The following ZBTB16 variants were observed in gnomAD, a reference collection of about 807,000 sequenced individuals.
ZBTB16 encodes the protein zinc finger and BTB domain containing 16.
Under a neutral mutation model 56.8 loss-of-function variants are expected in ZBTB16, and 8 were observed. That is an observed-to-expected ratio of 0.14 (90% CI 0.08 to 0.25). The LOEUF (loss-of-function observed/expected upper bound fraction) is 0.25. Among genes scored for constraint, ZBTB16 ranks in the 10% least tolerant of loss-of-function variants. ZBTB16 has a pLI of 1.00. For missense variants in ZBTB16, 625 were observed against 903.0 expected, an observed-to-expected ratio of 0.69 and a Z score of 3.95; for synonymous variants, 363 against 368.5, an observed-to-expected ratio of 0.98 and a Z score of 0.17.
Position 114,060,753 on chromosome 11 carries a change from C to T in ZBTB16, c.-91+871C>T, listed in dbSNP as rs964864964. 3.3e-5 allele frequency among the ~76,000 whole-genome samples: 5 copies of T among 152,128 alleles called. No individual in the cohort carries two copies. The highest frequency in any genetic ancestry group is 5.9e-5 in the Non-Finnish European group (4 of 68,000). On this transcript the variant is annotated intron_variant, in intron 1 of 6. Transcript: ENST00000335953. This position sits in a 1 kb window ranked among gnomAD's most constrained non-coding sequence, Gnocchi z 6.0. ...GCACGGAGCGCTCCGCACCGACTCG[C>T]TCGCCGCCTCCCCGAGACGCTCGCA...
Position 114,063,825 on chromosome 11 carries a change from C to T in ZBTB16, c.525C>T (p.Ser175=). ...ESGYASVAGQ[S]LPGPMVDQSP... Reference sequence around the variant, plus strand: ...GGTATGCCAGTGTGGCTGGACAGAGCCTCCCTGGGCCCATGGTGGACCAGA... The same window carrying T: ...GGTATGCCAGTGTGGCTGGACAGAGTCTCCCTGGGCCCATGGTGGACCAGA... The change falls in exon 2 of 7, where the codon AGC becomes AGT. Residue 175 remains serine (S), a synonymous_variant. Transcript: ENST00000335953. The surrounding 1 kb of genome is among the most constrained non-coding windows in gnomAD (Gnocchi z 6.5). The T allele has an allele frequency of 1.2e-6, 2 of 1,614,160 alleles. No homozygotes were observed. Among genetic ancestry groups the T allele is most frequent in the Non-Finnish European group, 1.7e-6 (2 of 1,180,042 alleles).
chr11:114,216,548 C>A (rs551361198), intron 4 of ZBTB16, among the ~76,000 whole-genome samples: 40 of 152,310 alleles, frequency 2.6e-4, no homozygotes, highest in Admixed American at 2.5e-3. Flanking sequence ...AATGTACACC[C>A]AGCTGCTTTG....
chr11:114,238,588 C>T (rs76126079), intron 4 of ZBTB16, among the ~76,000 whole-genome samples: 2,349 of 152,200 alleles, frequency 0.015, 62 homozygotes, highest in African/African-American at 0.052. Flanking sequence ...TTCCTAATAC[C>T]ATCACCTTAG....
Position 114,063,402 on chromosome 11 carries a change from C to T in ZBTB16, c.102C>T (p.Cys34=), listed in dbSNP as rs774594579. 104 of 1,614,032 alleles carry T rather than the reference C, an allele frequency of 6.4e-5. No homozygotes were observed. Among genetic ancestry groups the T allele is most frequent in the Non-Finnish European group, 7.8e-5 (92 of 1,180,052 alleles). ...ANQMRLAGTL[C]DVVIMVDSQE... ...AGATGCGGCTGGCCGGGACTTTGTG[C>T]GATGTGGTCATCATGGTGGACAGCC... The change falls in exon 2 of 7, where the codon TGC becomes TGT. Residue 34 remains cysteine, a synonymous_variant. Transcript: ENST00000335953. This position sits in a 1 kb window ranked among gnomAD's most constrained non-coding sequence, Gnocchi z 6.5.
chr11:114,069,409 C>G lies in ZBTB16; in HGVS notation c.1268+4841C>G, dbSNP rs557578384. On this transcript the variant is annotated intron_variant, in intron 2 of 6. Coordinates refer to ENST00000335953, the MANE Select transcript of ZBTB16 (RefSeq NM_006006.6). Reference sequence around the variant, plus strand: ...CTATTGCCTGGTTCTTGAAGGGATTCTCAGGAACCACAGGGAATGTCTGAG... The same window carrying G: ...CTATTGCCTGGTTCTTGAAGGGATTGTCAGGAACCACAGGGAATGTCTGAG... 2.6e-5 allele frequency among the ~76,000 whole-genome samples: 4 copies of G among 152,304 alleles called. No homozygotes were observed. In the South Asian group the frequency reaches 8.3e-4, roughly 32 times the overall value.
In ZBTB16 at chr11:114,256,168, A is replaced by G. The variant is rs1945010766; in HGVS notation, c.*5613A>G. On this transcript the variant is annotated 3_prime_UTR_variant, in exon 7 of 7. Transcript: ENST00000335953. ...GTGTCACTTTTATGCCACATTTACA[A>G]GGCACAGATGCACTGAATAACATTT... 6.6e-6 allele frequency among the ~76,000 whole-genome samples: 1 copy of G among 152,158 alleles called. No homozygotes were observed. Among genetic ancestry groups the G allele is most frequent in the Non-Finnish European group, 1.5e-5 (1 of 68,024 alleles).
intron 3 of ZBTB16, among the ~76,000 whole-genome samples, 164 bp from the exon 4 acceptor site, chr11:114,186,788 T>C (rs984491116): frequency 6.6e-6 from 1 of 152,186 alleles, no homozygotes; most frequent in African/African-American, 2.4e-5. Flanking sequence ...GGGTGAATGC[T>C]CACCTCTTGG....
intron 3 of ZBTB16, among the ~76,000 whole-genome samples, chr11:114,185,041 A>G (rs1488721842): frequency 6.6e-6 from 1 of 151,896 alleles, no homozygotes; most frequent in Admixed American, 6.6e-5. Flanking sequence ...ATAAAATAAA[A>G]TAAACAAAAA....
chr11:114,250,263 C>A lies in ZBTB16; in HGVS notation c.1793-63C>A. Reference sequence around the variant, plus strand: ...GCTTCCCTGGCACGCCTGAGGGTGACATGGTGCCCTCACCGCCTTCTGTCT... The same window carrying A: ...GCTTCCCTGGCACGCCTGAGGGTGAAATGGTGCCCTCACCGCCTTCTGTCT... On this transcript the variant is annotated intron_variant, in intron 6 of 6. Coordinates refer to ENST00000335953, the MANE Select transcript of ZBTB16 (RefSeq NM_006006.6). This position sits in a 1 kb window ranked among gnomAD's most constrained non-coding sequence, Gnocchi z 6.0. 6.4e-7 allele frequency: 1 copy of A among 1,568,496 alleles called. No homozygotes were observed. Among genetic ancestry groups the A allele is most frequent in the Non-Finnish European group, 8.7e-7 (1 of 1,151,432 alleles).
chr11:114,123,097 A>C (rs1397549526), intron 2 of ZBTB16, among the ~76,000 whole-genome samples: 2 of 150,874 alleles, frequency 1.3e-5, no homozygotes, highest in Non-Finnish European at 1.5e-5. Flanking sequence ...CTCTTCTTAC[A>C]AGGACACTAT....
At chr11:114,226,348 C>A (rs1188746486) in intron 4 of ZBTB16, among the ~76,000 whole-genome samples, 2 of 152,196 alleles carry the variant, frequency 1.3e-5, no homozygotes, top group Non-Finnish European at 2.9e-5. Context: ...GTAGCTAGAA[C>A]AGAGGTGTCT....
chr11:114,180,209 G>C (rs1943215610), intron 3 of ZBTB16, among the ~76,000 whole-genome samples: 1 of 152,178 alleles, frequency 6.6e-6, no homozygotes, highest in African/African-American at 2.4e-5. Context: ...TAGGAGTCTG[G>C]AGAACCCAAA....
Position 114,064,266 on chromosome 11 carries a change from C to G in ZBTB16, c.966C>G (p.His322Gln). Residue 322 changes from histidine (H) to glutamine (Q), a missense_variant, in exon 2 of 7, where the codon CAC becomes CAG. Physicochemically the swap from His to Gln is conservative, Grantham distance 24 (BLOSUM62 0). This residue lies in a region of ZBTB16 where 384 missense variants were observed against 393.5 expected (regional missense o/e 0.98). Transcript: ENST00000335953. The surrounding 1 kb of genome is among the most constrained non-coding windows in gnomAD (Gnocchi z 4.2). ...AGQAPTGRPE[H>Q]PAPPPEKHLG... Reference sequence around the variant, plus strand: ...AGGCCCCCACTGGCCGACCTGAGCACCCAGCACCCCCGCCTGAGAAGCATC... The same window carrying G: ...AGGCCCCCACTGGCCGACCTGAGCAGCCAGCACCCCCGCCTGAGAAGCATC... The G allele has an allele frequency of 2.5e-6, 4 of 1,614,052 alleles. No individual in the cohort carries two copies. Among genetic ancestry groups the G allele is most frequent in the Non-Finnish European group, 3.4e-6 (4 of 1,180,022 alleles).
intron 2 of ZBTB16, among the ~76,000 whole-genome samples, chr11:114,088,354 C>CTGG (rs1940042134): frequency 6.6e-6 from 1 of 152,060 alleles, no homozygotes; most frequent in Admixed American, 6.6e-5. Context: ...GCTGGCCAGG[C>CTGG]TGGTCCCCAA....
chr11:114,121,819 G>T (rs1399210170), intron 2 of ZBTB16: 1 of 455,748 alleles, frequency 2.2e-6, no homozygotes, highest in African/African-American at 2.0e-5. Flanking sequence ...TCAATGCAGG[G>T]TCTTCTAGCA....
intron 3 of ZBTB16, among the ~76,000 whole-genome samples, chr11:114,168,535 G>T (rs1385582580): frequency 6.6e-6 from 1 of 152,234 alleles, no homozygotes; most frequent in Non-Finnish European, 1.5e-5. Context: ...CAGATATGCT[G>T]ATTCCGTTTT....
chr11:114,097,062 C>T (rs1940442161), intron 2 of ZBTB16, among the ~76,000 whole-genome samples: 1 of 152,138 alleles, frequency 6.6e-6, no homozygotes, highest in Non-Finnish European at 1.5e-5. Context: ...TTCATTGACC[C>T]ATGGATAAAT....
intron 4 of ZBTB16, among the ~76,000 whole-genome samples, chr11:114,227,453 G>A (rs1944351282): frequency 6.6e-6 from 1 of 152,212 alleles, no homozygotes; most frequent in African/African-American, 2.4e-5. Context: ...AAATTCATTT[G>A]TGCAATCCTT....
intron 4 of ZBTB16, among the ~76,000 whole-genome samples, chr11:114,222,108 G>C (rs895723590): frequency 2.6e-5 from 4 of 152,076 alleles, no homozygotes; most frequent in South Asian, 4.2e-4. Flanking sequence ...TGAATCACAG[G>C]GTCTTTCATG....
Sources: gnomAD v4.1 joint callset for allele counts (sites outside exome capture counted in the v4.1 genomes callset) on GRCh38, gnomAD v4.1.1 for gene constraint, gnomAD v4.1.1 regional missense constraint, Gnocchi (gnomAD v3.1) non-coding constraint, MANE v1.5 for transcripts, NCBI Gene and HGNC (gene_info 2026-07-23, HGNC 2026-07-21) for gene names.